Variants in MTUS1 observed in about 807,000 individuals in gnomAD.
The protein encoded by MTUS1 is microtubule associated scaffold protein 1.
A neutral mutation model predicts 120.8 loss-of-function variants in MTUS1; 109 were observed. The observed-to-expected ratio is 0.90, with a 90% CI of 0.77 to 1.06. The LOEUF is 1.06. Ranked by LOEUF, MTUS1 falls within the 50% of genes least tolerant of loss-of-function variation. The probability of loss-of-function intolerance (pLI) is 0.00; values close to 1 mark genes in which losing one functional copy is unlikely to be tolerated. For synonymous variants in MTUS1, 737 were observed against 550.5 expected (o/e 1.34, Z -4.74); for missense variants, 2,210 against 1,486.3 (o/e 1.49, Z -8.01).
chr8:17,721,138 A>G (rs2045807081), intron 4 of MTUS1, among the ~76,000 whole-genome samples: 1 of 152,180 alleles, frequency 6.6e-6, no homozygotes, highest in African/African-American at 2.4e-5. Context: ...CGAGAAACCA[A>G]TATTTGTTAA....
At chr8:17,705,714 C>T (rs983345655) in intron 6 of MTUS1, 2 of 152,296 alleles carry the variant, frequency 1.3e-5, no homozygotes, top group Non-Finnish European at 2.9e-5. Context: ...CTTCCCAGCA[C>T]TTGGCAAAAG....
intron 8 of MTUS1, among the ~76,000 whole-genome samples, chr8:17,668,303 C>T (rs1026313759): frequency 2.6e-5 from 4 of 152,244 alleles, no homozygotes; most frequent in African/African-American, 7.2e-5. Context: ...CAACGTGGCC[C>T]GGGGAAGCCA....
chr8:17,671,736 T>G (rs1490508707), intron 8 of MTUS1, among the ~76,000 whole-genome samples: 1 of 152,180 alleles, frequency 6.6e-6, no homozygotes, highest in African/African-American at 2.4e-5. Flanking sequence ...TTGGGTACCT[T>G]GTCTCAACTT....
chr8:17,715,576 T>C (rs964583235), intron 5 of MTUS1, among the ~76,000 whole-genome samples, 191 bp downstream of exon 5: 13 of 152,216 alleles, frequency 8.5e-5, no homozygotes, highest in African/African-American at 2.9e-4. Flanking sequence ...GTAATGATTT[T>C]TAACTATAGA....
chr8:17,798,500 T>C (rs2052429584), intron 1 of MTUS1, among the ~76,000 whole-genome samples: 1 of 152,118 alleles, frequency 6.6e-6, no homozygotes, highest in Non-Finnish European at 1.5e-5. Context: ...AATTGACTAA[T>C]TTTTTGTATC....
chr8:17,771,234 A>G (rs113684402), intron 1 of MTUS1, among the ~76,000 whole-genome samples: 2,017 of 152,328 alleles, frequency 0.013, 46 homozygotes, highest in African/African-American at 0.047. Flanking sequence ...TGAAAGATAC[A>G]TACCTTCTCA....
chr8:17,686,465 T>G (rs986313665), intron 6 of MTUS1, among the ~76,000 whole-genome samples: 1 of 152,254 alleles, frequency 6.6e-6, no homozygotes, highest in Non-Finnish European at 1.5e-5. Flanking sequence ...ATCTAGAATT[T>G]ACTGTAACAA....
intron 4 of MTUS1, chr8:17,722,076 T>C: frequency 7.5e-7 from 1 of 1,330,118 alleles, no homozygotes; most frequent in Non-Finnish European, 9.6e-7. Flanking sequence ...AGAAAGAGAC[T>C]CACTGATTTG....
chr8:17,762,154 C>G (rs1016466356), intron 1 of MTUS1, among the ~76,000 whole-genome samples: 2 of 152,138 alleles, frequency 1.3e-5, no homozygotes, highest in African/African-American at 4.8e-5. Context: ...TGGCAGGTGC[C>G]TGTAATCCCA....
intron 1 of MTUS1, among the ~76,000 whole-genome samples, chr8:17,756,980 T>C (rs1010725571): frequency 3.3e-5 from 5 of 152,300 alleles, no homozygotes; most frequent in Middle Eastern, 3.4e-3. Context: ...GTATGATAAT[T>C]TGTTATGGTG....
rs540825286 is a variant in MTUS1 at position 17,768,012 on chromosome 8, C to T, written c.-154-12051G>A. Among the ~76,000 whole-genome samples, 3 of 152,324 alleles carry T rather than the reference C, an allele frequency of 2.0e-5. No homozygotes were observed. The East Asian group carries it at 5.8e-4, about 29-fold the overall frequency. ...GCCAGACACGCTTAAAAGGCCACTG[C>T]TGTGTCCTCTGCCCTGAGCAGCAGA... On this transcript the variant is annotated intron_variant, in intron 1 of 14. Coordinates refer to ENST00000693296, the MANE Select transcript of MTUS1 (RefSeq NM_001363059.2).
At chr8:17,704,089 T>TA (rs1265625209) in intron 6 of MTUS1, 1 of 152,230 alleles carries the variant, frequency 6.6e-6, no homozygotes, top group East Asian at 1.9e-4. Flanking sequence ...GGCCAACACT[T>TA]ACAGGAAACA....
chr8:17,654,365 G>T lies in MTUS1; in HGVS notation c.3214+196C>A, dbSNP rs1033663724. ...CCTATTTAACACAAGGCTGGCATTT[G>T]TAACTATTATTTGCATCCTTAGTGG... On this transcript the variant is annotated intron_variant, in intron 10 of 14. Transcript: ENST00000693296. 3 of 582,566 alleles carry T rather than the reference G, an allele frequency of 5.1e-6. No homozygotes were observed. The Admixed American group carries it at 9.0e-5, about 18-fold the overall frequency. 36.1% of individuals were successfully genotyped at this position (582,566 alleles called of 1,614,324 possible).
At chr8:17,769,468 C>A (rs541040702) in intron 1 of MTUS1, among the ~76,000 whole-genome samples, 5 of 151,170 alleles carry the variant, frequency 3.3e-5, no homozygotes, top group Admixed American at 3.3e-4. Context: ...CTGCCTCAGC[C>A]TCCCCAGTAG....
chr8:17,694,562 G>A (rs1788695789), intron 6 of MTUS1, among the ~76,000 whole-genome samples: 1 of 151,998 alleles, frequency 6.6e-6, no homozygotes, highest in African/African-American at 2.4e-5. Context: ...CAGCTACTCG[G>A]GAGGCTGAGG....
intron 3 of MTUS1, among the ~76,000 whole-genome samples, chr8:17,736,399 C>T (rs1426381006): frequency 6.6e-6 from 1 of 152,098 alleles, no homozygotes; most frequent in African/African-American, 2.4e-5. Context: ...TACACCCTGC[C>T]TCACCTCGGG....
chr8:17,647,030 T>C lies in MTUS1; in HGVS notation c.3551A>G (p.Glu1184Gly), dbSNP rs1199823443. 6.2e-7 allele frequency: 1 copy of C among 1,614,032 alleles called. No homozygotes were observed. The highest frequency in any genetic ancestry group is 2.2e-5 in the East Asian group (1 of 44,868). ...LVDKLKRFQQ[E>G]NEELKARMDK... ...CATCCGAGCTTTCAATTCTTCATTC[T>C]CCTGCTGGAAACGCTTCAATTTGTC... Residue 1184 changes from glutamate (E) to glycine (G), a missense_variant, in exon 14 of 15, where the codon GAG (glutamate) becomes GGG (glycine). Glu to Gly is a moderately conservative substitution (Grantham distance 98). Transcript: ENST00000693296.
chr8:17,740,654 A>G (rs1222667556), intron 3 of MTUS1, among the ~76,000 whole-genome samples: 1 of 152,214 alleles, frequency 6.6e-6, no homozygotes, highest in African/African-American at 2.4e-5. Context: ...GAATCAAATT[A>G]GTCTTCTTAG....
intron 8 of MTUS1, among the ~76,000 whole-genome samples, chr8:17,661,853 C>T (rs905058900): frequency 1.3e-5 from 2 of 152,170 alleles, no homozygotes; most frequent in African/African-American, 4.8e-5. Context: ...TGTTTACTGG[C>T]CCGGTGTGCT....
Sources: gnomAD v4.1 joint callset for allele counts (sites outside exome capture counted in the v4.1 genomes callset) on GRCh38, gnomAD v4.1.1 for gene constraint, MANE v1.5 for transcripts, NCBI Gene and HGNC (gene_info 2026-07-23, HGNC 2026-07-21) for gene names.